SLC25A46: variants seen among roughly 807,000 people sequenced by gnomAD.
SLC25A46 encodes mitochondrial outer membrane protein SLC25A46.
SLC25A46 carries 39 observed loss-of-function variants against 44.6 expected under a neutral mutation model. The ratio of observed to expected loss-of-function variants is 0.87; its 90% CI spans 0.68 to 1.14. The LOEUF is 1.14. Among genes scored for constraint, SLC25A46 ranks in the 50% most tolerant of loss-of-function variants. The pLI, the probability that SLC25A46 is intolerant of heterozygous loss-of-function variation, is 0.00. For missense variants in SLC25A46, 547 were observed against 522.7 expected (o/e 1.05, Z -0.45); for synonymous variants, 202 against 185.8 (o/e 1.09, Z -0.71).
rs1022344910 is a variant in SLC25A46, at chr5:110,739,106, C to T, written c.-14C>T. The stretch of plus-strand genomic sequence containing the variant: ...GGGCTCCGGGCGGGCTCGCGTCATC[C>T]TGCCCCCGCTGCGATGCATCCGCGG... On this transcript the variant is annotated 5_prime_UTR_variant, in exon 1 of 8. Coordinates refer to ENST00000355943, the MANE Select transcript of SLC25A46 (RefSeq NM_138773.4). The T allele has an allele frequency of 3.9e-6, 6 of 1,544,444 alleles. No individual in the cohort carries two copies. Among genetic ancestry groups the T allele is most frequent in the African/African-American group, 1.4e-5 (1 of 72,910 alleles).
At chr5:110,738,915 C>T, upstream of SLC25A46, 1 of 1,367,150 alleles carries the variant, frequency 7.3e-7, no homozygotes, top group Middle Eastern at 2.7e-4. Context: ...CGCCGCGTCT[C>T]CCTAGCAACC....
chr5:110,755,494 A>G lies in SLC25A46; in HGVS notation c.593A>G (p.Gln198Arg). 1 of 1,575,606 alleles carries G rather than the reference A, an allele frequency of 6.3e-7. No homozygotes were observed. Among genetic ancestry groups the G allele is most frequent in the Non-Finnish European group, 8.6e-7 (1 of 1,162,790 alleles). Residue 198 changes from glutamine to arginine, a missense_variant, in exon 6 of 8, where the codon CAA becomes CGA. Gln to Arg is a conservative substitution (Grantham distance 43). Transcript: ENST00000355943. ...REVLHKWSPK[Q>R]IGEHLLLKSL... ...GTTTTACATAAATGGAGTCCTAAAC[A>G]AATAGGAGAACACCTTCTACTGAAA...
At chr5:110,755,275 A>AT (rs1167816795) in intron 5 of SLC25A46, 190 bp from the exon 6 acceptor site, 2 of 424,014 alleles carry the variant, frequency 4.7e-6, no homozygotes, top group Non-Finnish European at 8.5e-6. Context: ...AACACCTTGT[A>AT]TTTTTTTCTC....
intron 5 of SLC25A46, chr5:110,754,892 G>C (rs1800068344): frequency 6.6e-6 from 1 of 152,200 alleles, no homozygotes; most frequent in South Asian, 2.1e-4. Flanking sequence ...GGAGAAAATA[G>C]GGTTATTATG....
intron 5 of SLC25A46, among the ~76,000 whole-genome samples, chr5:110,750,731 A>T (rs1359568805): frequency 6.6e-6 from 1 of 152,096 alleles, no homozygotes; most frequent in African/African-American, 2.4e-5. Context: ...AATATTGTAA[A>T]TCCGTAGTTG....
At chr5:110,746,747 A>G (rs1799829644) in intron 4 of SLC25A46, among the ~76,000 whole-genome samples, 1 of 152,194 alleles carries the variant, frequency 6.6e-6, no homozygotes, top group Admixed American at 6.5e-5. Flanking sequence ...TGGGAAAAGA[A>G]AGGCCCGAAT....
At chr5:110,757,354 C>T (rs528921972) in intron 7 of SLC25A46, among the ~76,000 whole-genome samples, 26 of 152,120 alleles carry the variant, frequency 1.7e-4, no homozygotes, top group African/African-American at 6.3e-4. Context: ...AATGTCTTAC[C>T]CTCCTTCCTA....
intron 3 of SLC25A46, 80 bp from the exon 4 acceptor site, chr5:110,746,189 T>G: frequency 8.9e-7 from 1 of 1,123,766 alleles, no homozygotes; most frequent in Non-Finnish European, 1.3e-6. Context: ...ATACTGCAAT[T>G]CCACCATATT....
At chr5:110,755,560 A>G in intron 6 of SLC25A46, 39 bp downstream of exon 6, 1 of 1,295,274 alleles carries the variant, frequency 7.7e-7, no homozygotes, top group East Asian at 2.3e-5. Context: ...GGGCATTTTC[A>G]CTAATTTTTA....
In SLC25A46 at chr5:110,746,331, T is replaced by A; in HGVS notation, c.447T>A (p.Ser149Arg). Reference protein sequence around the residue: ...TPFTVINIMYSFNKTQGPRAL... With the variant: ...TPFTVINIMYRFNKTQGPRAL... ...TTACAGTCATCAATATTATGTACAG[T>A]TTCAACAAAACTCAGGTGAGAATTT... The change falls in exon 4 of 8, where the codon AGT (serine) becomes AGA (arginine). Residue 149 changes from serine to arginine, a missense_variant. Transcript: ENST00000355943. 6.3e-7 allele frequency: 1 copy of A among 1,588,756 alleles called. No homozygotes were observed. Among genetic ancestry groups the A allele is most frequent in the Non-Finnish European group, 8.5e-7 (1 of 1,171,138 alleles).
rs184532372 is a variant in SLC25A46, at chr5:110,751,769, T to G, written c.563+3506T>G. ...GTAAGTGGACAGTTTTGAAATATAC[T>G]TAGGTCAAACTGAGGGAATTTGGTG... On this transcript the variant is annotated intron_variant, in intron 5 of 7. Transcript: ENST00000355943. 4.0e-3 allele frequency among the ~76,000 whole-genome samples: 615 copies of G among 152,294 alleles called. 2 individuals carry two copies. Among genetic ancestry groups the G allele is most frequent in the Middle Eastern group, 6.8e-3 (2 of 294 alleles).
chr5:110,748,374 T>G, intron 5 of SLC25A46, 111 bp downstream of exon 5: 1 of 790,896 alleles, frequency 1.3e-6, no homozygotes, highest in Non-Finnish European at 2.1e-6. Flanking sequence ...ATGCTAAAGT[T>G]TGGACTTCTA....
upstream of SLC25A46, chr5:110,738,934 T>TCCTAGC: frequency 1.4e-6 from 2 of 1,423,686 alleles, no homozygotes; most frequent in Non-Finnish European, 1.8e-6. Flanking sequence ...CCGTGCCCTT[T>TCCTAGC]AATGGTTGCC....
chr5:110,750,505 T>G (rs969554522), intron 5 of SLC25A46, among the ~76,000 whole-genome samples: 1 of 152,188 alleles, frequency 6.6e-6, no homozygotes, highest in Non-Finnish European at 1.5e-5. Context: ...AATCCAGAGA[T>G]GCTTAAGTCC....
chr5:110,747,254 T>A (rs530830367), intron 4 of SLC25A46, among the ~76,000 whole-genome samples: 1 of 152,332 alleles, frequency 6.6e-6, no homozygotes, highest in South Asian at 2.1e-4. Context: ...TGGTATATTA[T>A]GGTGAAACAC....
In SLC25A46 at chr5:110,755,532, A is replaced by C. The variant is rs1486812340; in HGVS notation, c.620+11A>C. 6.4e-7 allele frequency: 1 copy of C among 1,554,478 alleles called. No individual in the cohort carries two copies. Among genetic ancestry groups the C allele is most frequent in the Non-Finnish European group, 8.7e-7 (1 of 1,147,926 alleles). On this transcript the variant is annotated intron_variant, in intron 6 of 7. Coordinates refer to ENST00000355943, the MANE Select transcript of SLC25A46 (RefSeq NM_138773.4). Reference sequence around the variant, plus strand: ...CCTTCTACTGAAATCGTAAGTATCAAAAAATGGCATTTTTATTGGGCATTT... The same window carrying C: ...CCTTCTACTGAAATCGTAAGTATCACAAAATGGCATTTTTATTGGGCATTT...
At chr5:110,740,951 C>T (rs1476519937) in intron 1 of SLC25A46, among the ~76,000 whole-genome samples, 1 of 151,978 alleles carries the variant, frequency 6.6e-6, no homozygotes, top group East Asian at 1.9e-4. Context: ...GACTCCGTCT[C>T]AAAACAAACA....
intron 1 of SLC25A46, among the ~76,000 whole-genome samples, chr5:110,741,123 AAAGAG>A (rs1281519890): frequency 1.3e-5 from 2 of 152,190 alleles, no homozygotes; most frequent in African/African-American, 4.8e-5. Context: ...GCTTCACTTG[AAAGAG>A]AAGAGGAGAG....
rs780003550 is a variant in SLC25A46, at chr5:110,743,777, G to A, written c.374G>A (p.Arg125His). ...VLAHPCIVLR[R>H]QCQVNYHAQH... ...GCACATCCTTGCATTGTTCTACGCCGCCAATGTCAGGTAAATGTAATTTCT... is the reference window on the plus strand; with the variant it reads ...GCACATCCTTGCATTGTTCTACGCCACCAATGTCAGGTAAATGTAATTTCT... Residue 125 changes from arginine (R) to histidine (H), a missense_variant, in exon 3 of 8, where the codon CGC (arginine) becomes CAC (histidine). Arg to His is a conservative substitution (Grantham distance 29). Coordinates refer to ENST00000355943, the MANE Select transcript of SLC25A46 (RefSeq NM_138773.4). 8.7e-6 allele frequency: 14 copies of A among 1,602,290 alleles called. No individual in the cohort carries two copies. The Admixed American group carries it at 1.0e-4, about 12-fold the overall frequency.
Sources: gnomAD v4.1 joint callset for allele counts (sites outside exome capture counted in the v4.1 genomes callset) on GRCh38, gnomAD v4.1.1 for gene constraint, MANE v1.5 for transcripts, NCBI Gene and HGNC (gene_info 2026-07-23, HGNC 2026-07-21) for gene names.